Variants in SPIDR observed in about 807,000 individuals in gnomAD.
SPIDR encodes scaffold protein involved in DNA repair.
A neutral mutation model predicts 104.6 loss-of-function variants in SPIDR; 93 were observed. That is an observed-to-expected ratio of 0.89 (90% CI 0.75 to 1.06). The LOEUF (loss-of-function observed/expected upper bound fraction) is 1.06, where lower values mean the gene tolerates loss of function less well. Among genes scored for constraint, SPIDR ranks in the 50% least tolerant of loss-of-function variants. The probability of loss-of-function intolerance (pLI) is 0.00; values close to 1 mark genes in which losing one functional copy is unlikely to be tolerated. For missense variants in SPIDR, 1,154 were observed against 1,111.2 expected (o/e 1.04, Z -0.55); for synonymous variants, 431 against 416.9 (o/e 1.03, Z -0.41).
At chr8:47,658,942 C>CAAAA (rs772463596) in intron 10 of SPIDR, among the ~76,000 whole-genome samples, 2 of 71,988 alleles carry the variant, frequency 2.8e-5, no homozygotes, top group Non-Finnish European at 5.6e-5. Flanking sequence ...ATCTCCATCT[C>CAAAA]AAAAAAAAAA....
chr8:47,434,867 AC>A (rs2068001905), intron 7 of SPIDR, among the ~76,000 whole-genome samples: 1 of 152,226 alleles, frequency 6.6e-6, no homozygotes, highest in African/African-American at 2.4e-5. Context: ...GACCCTGACT[AC>A]CTGTATATTT....
At chr8:47,405,861 A>G (rs1401903632) in intron 6 of SPIDR, among the ~76,000 whole-genome samples, 4 of 152,194 alleles carry the variant, frequency 2.6e-5, no homozygotes, top group Non-Finnish European at 5.9e-5. Flanking sequence ...TCCTAAGCTC[A>G]AGTTCTTAAG....
chr8:47,488,663 G>A (rs1438418680), intron 8 of SPIDR, among the ~76,000 whole-genome samples: 2 of 152,092 alleles, frequency 1.3e-5, no homozygotes, highest in Non-Finnish European at 2.9e-5. Context: ...ATGATCAAGT[G>A]GGCTTCATCC....
At chr8:47,620,316 C>T (rs1373415385) in intron 10 of SPIDR, among the ~76,000 whole-genome samples, 3 of 147,764 alleles carry the variant, frequency 2.0e-5, no homozygotes, top group Non-Finnish European at 4.4e-5. Flanking sequence ...ACTCTGTCAC[C>T]GAGGCTGGAG....
Position 47,735,619 on chromosome 8 carries a change from G to A in SPIDR, c.*169G>A, listed in dbSNP as rs981256610. On this transcript the variant is annotated 3_prime_UTR_variant, in exon 20 of 20. Coordinates refer to ENST00000297423, the MANE Select transcript of SPIDR (RefSeq NM_001080394.4). ...ATGTTCAGATACAGTTTTGTGAACT[G>A]TAAATCAAAATACCTTTTTCTACAG... 2 of 1,332,132 alleles carry A rather than the reference G, an allele frequency of 1.5e-6. No individual in the cohort carries two copies. The highest frequency in any genetic ancestry group is 2.0e-6 in the Non-Finnish European group (2 of 996,424). The allele number at this position is 1,332,132 out of a possible 1,614,324, so 82.5% of individuals were successfully genotyped here.
intron 8 of SPIDR, among the ~76,000 whole-genome samples, chr8:47,458,884 G>A (rs1203087903): frequency 2.0e-5 from 3 of 152,074 alleles, no homozygotes; most frequent in African/African-American, 7.2e-5. Context: ...TATTTAAACT[G>A]TGTCTGTTGA....
At chr8:47,671,526 G>A (rs1016610809) in intron 10 of SPIDR, among the ~76,000 whole-genome samples, 2 of 151,378 alleles carry the variant, frequency 1.3e-5, no homozygotes, top group Non-Finnish European at 2.9e-5. Flanking sequence ...TGGAGGTTGC[G>A]GTGAGCTGAG....
At chr8:47,261,069 C>T (rs2032028436) in intron 1 of SPIDR, 78 bp downstream of exon 1, 3 of 1,218,674 alleles carry the variant, frequency 2.5e-6, no homozygotes, top group East Asian at 3.2e-5. Flanking sequence ...GGGGCTGGCC[C>T]CGTTGTGCTG....
At chr8:47,292,332 A>G (rs900248747) in intron 4 of SPIDR, among the ~76,000 whole-genome samples, 12 of 152,136 alleles carry the variant, frequency 7.9e-5, no homozygotes, top group Non-Finnish European at 1.8e-4. Context: ...TATTAATATC[A>G]TTGACCTTTT....
At chr8:47,289,465 A>G (rs1290622369) in intron 3 of SPIDR, among the ~76,000 whole-genome samples, 3 of 152,300 alleles carry the variant, frequency 2.0e-5, no homozygotes, top group African/African-American at 4.8e-5. Flanking sequence ...AAACAGAATA[A>G]TTGATTTTTA....
chr8:47,535,708 A>G (rs1206427263), intron 8 of SPIDR, among the ~76,000 whole-genome samples: 1 of 152,146 alleles, frequency 6.6e-6, no homozygotes, highest in Admixed American at 6.6e-5. Flanking sequence ...ATAGTCAGCA[A>G]ACTAGCAATA....
At chr8:47,312,168 C>T (rs762322914) in intron 5 of SPIDR, among the ~76,000 whole-genome samples, 27 of 152,210 alleles carry the variant, frequency 1.8e-4, no homozygotes, top group African/African-American at 3.1e-4. Context: ...TGAATAGTGC[C>T]GCAGTAAACA....
At chr8:47,374,240 G>T (rs2058387064) in intron 5 of SPIDR, among the ~76,000 whole-genome samples, 5 of 152,008 alleles carry the variant, frequency 3.3e-5, no homozygotes, top group Admixed American at 3.3e-4. Context: ...TTTTTTTGCT[G>T]GCCAGGCATG....
At chr8:47,586,016 C>A (rs943955697) in intron 8 of SPIDR, among the ~76,000 whole-genome samples, 15 of 152,176 alleles carry the variant, frequency 9.9e-5, no homozygotes, top group African/African-American at 3.6e-4. Context: ...GCTTTTTTCA[C>A]TTAGCATCAT....
At chr8:47,298,955 A>C (rs1305582590) in intron 5 of SPIDR, among the ~76,000 whole-genome samples, 1 of 152,158 alleles carries the variant, frequency 6.6e-6, no homozygotes, top group African/African-American at 2.4e-5. Flanking sequence ...TTGGTTCCAT[A>C]TGAACTTTAA....
chr8:47,278,903 T>A (rs1473329653), intron 1 of SPIDR, among the ~76,000 whole-genome samples: 8 of 152,090 alleles, frequency 5.3e-5, no homozygotes, highest in African/African-American at 1.9e-4. Context: ...TTTCTTTTTT[T>A]AAGGACGTGG....
At chr8:47,505,600 T>C (rs781623579) in intron 8 of SPIDR, among the ~76,000 whole-genome samples, 3 of 152,224 alleles carry the variant, frequency 2.0e-5, no homozygotes, top group Admixed American at 6.5e-5. Context: ...AGGCAGTGCC[T>C]CGCCCTGCTT....
chr8:47,406,963 TATGAG>T (rs1350261810), intron 6 of SPIDR, among the ~76,000 whole-genome samples: 1 of 152,228 alleles, frequency 6.6e-6, no homozygotes, highest in African/African-American at 2.4e-5. Flanking sequence ...ATAATAAACT[TATGAG>T]ATAATACATT....
At chr8:47,700,382 C>A in intron 11 of SPIDR, 21 bp from the exon 12 acceptor site, 3 of 1,613,826 alleles carry the variant, frequency 1.9e-6, no homozygotes, top group Non-Finnish European at 2.5e-6. Context: ...TGATGAATAC[C>A]TTTGACTTTT....
Sources: gnomAD v4.1 joint callset for allele counts (sites outside exome capture counted in the v4.1 genomes callset) on GRCh38, gnomAD v4.1.1 for gene constraint, MANE v1.5 for transcripts, NCBI Gene and HGNC (gene_info 2026-07-23, HGNC 2026-07-21) for gene names.